Variants in MYO1E observed in about 807,000 individuals in gnomAD.
The protein encoded by MYO1E is unconventional myosin-Ie.
A neutral mutation model predicts 151.1 loss-of-function variants in MYO1E; 68 were observed. That is an observed-to-expected ratio of 0.45 (90% CI 0.37 to 0.55). The LOEUF is 0.55. Among genes scored for constraint, MYO1E ranks in the 20% least tolerant of loss-of-function variants. The pLI is 0.00. For synonymous variants in MYO1E, 601 were observed against 501.7 expected (o/e 1.20, Z -2.64); for missense variants, 1,363 against 1,389.3 (o/e 0.98, Z 0.30).
At position 59,335,086 on chromosome 15, in the gene MYO1E, TG is replaced by T. The variant is rs1339831025; in HGVS notation, c.3+37411del. Among the ~76,000 whole-genome samples the T allele has an allele frequency of 3.3e-5, 5 of 152,342 alleles. No homozygotes were observed. The East Asian group carries it at 5.8e-4, about 18-fold the overall frequency. ...CTCAAAGAGAACATTCACACCACAC[TG>T]GGTCAAACCGTGAAAGAGAAAAACA... On this transcript the variant is annotated intron_variant, in intron 1 of 27. Coordinates refer to ENST00000288235, the MANE Select transcript of MYO1E (RefSeq NM_004998.4).
intron 5 of MYO1E, among the ~76,000 whole-genome samples, chr15:59,232,886 A>C (rs1221917407): frequency 6.6e-6 from 1 of 152,166 alleles, no homozygotes; most frequent in African/African-American, 2.4e-5. Context: ...CATTCAGAAG[A>C]GAAACTGCCA....
chr15:59,336,944 T>C (rs1019387259), intron 1 of MYO1E, among the ~76,000 whole-genome samples: 1 of 152,176 alleles, frequency 6.6e-6, no homozygotes, highest in South Asian at 2.1e-4. Flanking sequence ...TATGGCTGCA[T>C]AGTATTCCAC....
chr15:59,252,430 A>G (rs1370048032), intron 4 of MYO1E, among the ~76,000 whole-genome samples: 3 of 152,164 alleles, frequency 2.0e-5, no homozygotes, highest in African/African-American at 7.2e-5. Context: ...AAAATGCAAA[A>G]GAGGCTGGGT....
intron 4 of MYO1E, among the ~76,000 whole-genome samples, chr15:59,245,919 T>C (rs1281908181): frequency 2.0e-5 from 3 of 152,198 alleles, no homozygotes; most frequent in Non-Finnish European, 4.4e-5. Flanking sequence ...GACCTTTTTG[T>C]TAAACAGATT....
At position 59,211,648 on chromosome 15, in the gene MYO1E, C is replaced by T. The variant is rs188108598; in HGVS notation, c.1276-1048G>A. 1.3e-3 allele frequency among the ~76,000 whole-genome samples: 193 copies of T among 152,276 alleles called. 3 individuals are homozygous for T. Among genetic ancestry groups the T allele is most frequent in the Middle Eastern group, 3.4e-3 (1 of 294 alleles). On this transcript the variant is annotated intron_variant, in intron 12 of 27. Coordinates refer to ENST00000288235, the MANE Select transcript of MYO1E (RefSeq NM_004998.4). Reference sequence around the variant, plus strand: ...AGAGGAACTCTGATTCCATATTTCCCGTGACCTCCAAACAACCCCTCTTCT... The same window carrying T: ...AGAGGAACTCTGATTCCATATTTCCTGTGACCTCCAAACAACCCCTCTTCT...
At position 59,210,671 on chromosome 15, in the gene MYO1E, T is replaced by A. The variant is rs1466740684; in HGVS notation, c.1276-71A>T. ...GAGCTCTGCACGGACAGACCCTGAA[T>A]GGACAAAAATTCCCATAAAAGAGAA... On this transcript the variant is annotated intron_variant, in intron 12 of 27. Coordinates refer to ENST00000288235, the MANE Select transcript of MYO1E (RefSeq NM_004998.4). 6 of 1,052,810 alleles carry A rather than the reference T, an allele frequency of 5.7e-6. No homozygotes were observed. In the African/African-American group the frequency reaches 6.3e-5, roughly 11 times the overall value. The allele number at this position is 1,052,810 out of a possible 1,614,324, so 65.2% of individuals were successfully genotyped here.
intron 1 of MYO1E, among the ~76,000 whole-genome samples, chr15:59,347,533 T>A (rs1487825855): frequency 1.3e-5 from 2 of 152,126 alleles, no homozygotes; most frequent in African/African-American, 4.8e-5. Flanking sequence ...AAGAACTCAC[T>A]TAAAAAGGAA....
chr15:59,305,303 C>T (rs1482599717), intron 1 of MYO1E, among the ~76,000 whole-genome samples: 2 of 152,178 alleles, frequency 1.3e-5, no homozygotes, highest in Non-Finnish European at 1.5e-5. Context: ...AAGCAATCCT[C>T]CCACCTCGGC....
intron 26 of MYO1E, among the ~76,000 whole-genome samples, chr15:59,146,834 T>C (rs1216264679): frequency 6.6e-6 from 1 of 152,170 alleles, no homozygotes; most frequent in Non-Finnish European, 1.5e-5. Context: ...CAATCCAATT[T>C]AGTTTTCTTA....
At chr15:59,171,463 T>TA (rs2079593739) in intron 22 of MYO1E, among the ~76,000 whole-genome samples, 1 of 152,120 alleles carries the variant, frequency 6.6e-6, no homozygotes, top group East Asian at 1.9e-4. Context: ...TTGCACTCCC[T>TA]AAGGAAGTCC....
At chr15:59,270,598 A>G (rs1356168583) in intron 2 of MYO1E, among the ~76,000 whole-genome samples, 2 of 151,860 alleles carry the variant, frequency 1.3e-5, no homozygotes, top group African/African-American at 4.8e-5. Context: ...TATATCCCAC[A>G]ACTATATACA....
intron 1 of MYO1E, among the ~76,000 whole-genome samples, chr15:59,326,926 T>C (rs536157009): frequency 6.6e-6 from 1 of 152,306 alleles, no homozygotes; most frequent in South Asian, 2.1e-4. Flanking sequence ...AAAAAGGTTT[T>C]ATAAAACAGC....
intron 4 of MYO1E, among the ~76,000 whole-genome samples, chr15:59,237,873 C>T (rs773782946): frequency 1.3e-5 from 2 of 152,104 alleles, no homozygotes; most frequent in African/African-American, 2.4e-5. Flanking sequence ...ATTGAGCTGG[C>T]CATATAGCGA....
rs34694267 is a variant in MYO1E at position 59,191,332 on chromosome 15, C to CAG, written c.1806-3118_1806-3117dup. 8.6e-3 allele frequency among the ~76,000 whole-genome samples: 908 copies of CAG among 105,736 alleles called. 13 individuals carry two copies. The highest frequency in any genetic ancestry group is 0.048 in the Middle Eastern group (9 of 188). 69.4% of individuals were successfully genotyped at this position (105,736 alleles called of 152,430 possible). A position where few individuals can be genotyped will look rare whatever the true frequency, so the allele number is the denominator to read the frequency against. On this transcript the variant is annotated intron_variant, in intron 17 of 27. Transcript: ENST00000288235. ...CCCATATAAGTCAGACAGACAGAGA[C>CAG]AGAGAGAGAGAGAGAGAGAGAGAGA...
At chr15:59,230,379 A>C (rs2080020976) in intron 6 of MYO1E, among the ~76,000 whole-genome samples, 1 of 152,118 alleles carries the variant, frequency 6.6e-6, no homozygotes, top group Admixed American at 6.6e-5. Flanking sequence ...ATATCCTCCA[A>C]ATATAATGAA....
intron 1 of MYO1E, among the ~76,000 whole-genome samples, chr15:59,365,923 G>A (rs1382859294): frequency 6.6e-6 from 1 of 152,158 alleles, no homozygotes; most frequent in Non-Finnish European, 1.5e-5. Flanking sequence ...TGATCACACT[G>A]GGCACTAAGG....
chr15:59,212,596 A>T (rs1379403774), intron 12 of MYO1E: 1 of 152,148 alleles, frequency 6.6e-6, no homozygotes, highest in Non-Finnish European at 1.5e-5. Context: ...GTGAACTTGA[A>T]ATCCAAAACA....
At chr15:59,234,090 CT>C (rs1408741077) in intron 5 of MYO1E, among the ~76,000 whole-genome samples, 2 of 152,144 alleles carry the variant, frequency 1.3e-5, no homozygotes, top group East Asian at 3.8e-4. Context: ...CTCCATCTTC[CT>C]TTCATTCAGA....
At chr15:59,245,432 TACTC>T (rs1420577542) in intron 4 of MYO1E, among the ~76,000 whole-genome samples, 4 of 152,224 alleles carry the variant, frequency 2.6e-5, no homozygotes, top group East Asian at 3.8e-4. Flanking sequence ...AAAACTCTCT[TACTC>T]AATCAGTCAG....
Sources: allele counts gnomAD v4.1 joint callset (sites outside exome capture counted in the v4.1 genomes callset), GRCh38; gene constraint gnomAD v4.1.1; transcripts MANE v1.5; gene names NCBI Gene and HGNC (gene_info 2026-07-23, HGNC 2026-07-21).